Variants in PRPSAP2 observed in about 807,000 individuals in gnomAD.
The protein encoded by PRPSAP2 is phosphoribosyl pyrophosphate synthase-associated protein 2.
In PRPSAP2, 24 loss-of-function variants were observed where a neutral mutation model predicts 40.6. The ratio of observed to expected loss-of-function variants is 0.59; its 90% confidence interval spans 0.43 to 0.83. The LOEUF is 0.83. PRPSAP2 is among the 40% of genes least tolerant of loss of function. The probability of loss-of-function intolerance (pLI) is 0.00; values close to 1 mark genes in which losing one functional copy is unlikely to be tolerated. For synonymous variants in PRPSAP2, 149 were observed against 164.7 expected (o/e 0.90, Z 0.73); for missense variants, 292 against 465.6 (o/e 0.63, Z 3.43).
chr17:18,857,884 C>T (rs2083686527), upstream of PRPSAP2: 1 of 152,348 alleles, frequency 6.6e-6, no homozygotes, highest in Non-Finnish European at 1.5e-5. Flanking sequence ...CATACTCTGT[C>T]CACATTCATT....
intron 4 of PRPSAP2, among the ~76,000 whole-genome samples, chr17:18,869,743 A>G (rs975149217): frequency 6.6e-6 from 1 of 150,610 alleles, no homozygotes; most frequent in Admixed American, 6.6e-5. Context: ...TTTTCTTAAC[A>G]TCATACCACA....
chr17:18,902,948 G>C lies in PRPSAP2; in HGVS notation c.585-8155G>C, dbSNP rs999242712. 2.0e-5 allele frequency among the ~76,000 whole-genome samples: 3 copies of C among 151,198 alleles called. No individual in the cohort carries two copies. In the South Asian group the frequency reaches 6.3e-4, roughly 32 times the overall value. On this transcript the variant is annotated intron_variant, in intron 8 of 11. Coordinates refer to ENST00000268835, the MANE Select transcript of PRPSAP2 (RefSeq NM_002767.4). The stretch of plus-strand genomic sequence containing the variant: ...TTTACCGAGTACATATTTGAGTGCT[G>C]CTGTGCCAGCCATCGTGGATGTGGT...
chr17:18,863,864 A>G (rs1236824932), intron 1 of PRPSAP2, among the ~76,000 whole-genome samples: 4 of 80,930 alleles, frequency 4.9e-5, no homozygotes, highest in Admixed American at 4.5e-4. Flanking sequence ...AATTTTTTAG[A>G]TGGAGTTTTG....
intron 8 of PRPSAP2, among the ~76,000 whole-genome samples, chr17:18,892,855 C>T (rs1010541922): frequency 4.6e-5 from 7 of 151,810 alleles, no homozygotes; most frequent in Non-Finnish European, 1.0e-4. Flanking sequence ...CTGCCTCAGC[C>T]TCCTGAGTAG....
intron 5 of PRPSAP2, among the ~76,000 whole-genome samples, chr17:18,873,259 T>TCTCGGCTTACTGCAAC (rs2038029035): frequency 6.9e-6 from 1 of 145,622 alleles, no homozygotes; most frequent in Non-Finnish European, 1.5e-5. Flanking sequence ...AATGACGCGA[T>TCTCGGCTTACTGCAAC]CTCGGCTTAC....
At chr17:18,861,153 A>G (rs1597495533) in intron 1 of PRPSAP2, among the ~76,000 whole-genome samples, 1 of 152,282 alleles carries the variant, frequency 6.6e-6, no homozygotes. Context: ...AACAGGAGAA[A>G]GGAGAACTAA....
chr17:18,900,634 G>A (rs2040205334), intron 8 of PRPSAP2, among the ~76,000 whole-genome samples: 1 of 152,112 alleles, frequency 6.6e-6, no homozygotes, highest in Non-Finnish European at 1.5e-5. Context: ...TGGCTTCTCA[G>A]GACTCTGGCA....
chr17:18,921,848 A>T (rs897204495), intron 9 of PRPSAP2, among the ~76,000 whole-genome samples: 2 of 152,174 alleles, frequency 1.3e-5, no homozygotes, highest in Non-Finnish European at 2.9e-5. Flanking sequence ...CATAACATAG[A>T]ATTAACCATT....
At chr17:18,899,525 T>TG (rs2040135728) in intron 8 of PRPSAP2, among the ~76,000 whole-genome samples, 1 of 135,988 alleles carries the variant, frequency 7.4e-6, no homozygotes, top group African/African-American at 2.8e-5. Context: ...CTGAGTTTTT[T>TG]TTTTTTTTTT....
chr17:18,922,418 C>T (rs560289704), intron 9 of PRPSAP2, among the ~76,000 whole-genome samples: 1 of 152,142 alleles, frequency 6.6e-6, no homozygotes, highest in Non-Finnish European at 1.5e-5. Context: ...ACAAAGATTT[C>T]AGTTTCTCCA....
Position 18,865,676 on chromosome 17 carries a change from T to C in PRPSAP2, c.-33+112T>C, listed in dbSNP as rs1597514267. 8.6e-6 allele frequency: 4 copies of C among 464,902 alleles called. No individual in the cohort carries two copies. In the East Asian group the frequency reaches 1.9e-4, roughly 22 times the overall value. 28.8% of individuals were successfully genotyped at this position (464,902 alleles called of 1,614,324 possible). On this transcript the variant is annotated intron_variant, in intron 2 of 11. Coordinates refer to ENST00000268835, the MANE Select transcript of PRPSAP2 (RefSeq NM_002767.4). ...TTTCTGTTTGTCCATATATATCTAA[T>C]ATTTAAAAAATACTATTAGGATGGA...
intron 8 of PRPSAP2, among the ~76,000 whole-genome samples, chr17:18,901,402 C>T (rs1448254589): frequency 6.6e-6 from 1 of 151,892 alleles, no homozygotes; most frequent in African/African-American, 2.4e-5. Flanking sequence ...TTTTTTGAGA[C>T]GGAATCTCGC....
chr17:18,862,333 G>C (rs769803603), intron 1 of PRPSAP2, among the ~76,000 whole-genome samples: 6 of 152,150 alleles, frequency 3.9e-5, no homozygotes, highest in Non-Finnish European at 8.8e-5. Flanking sequence ...GGAGGGATGG[G>C]CTGAACTACC....
At chr17:18,903,949 G>A (rs917719260) in intron 8 of PRPSAP2, among the ~76,000 whole-genome samples, 2 of 152,062 alleles carry the variant, frequency 1.3e-5, no homozygotes, top group Non-Finnish European at 2.9e-5. Flanking sequence ...ATTATTTCTA[G>A]TTCCCTCCTC....
chr17:18,921,875 A>G (rs1049063713), intron 9 of PRPSAP2, among the ~76,000 whole-genome samples: 1 of 152,252 alleles, frequency 6.6e-6, no homozygotes, highest in Non-Finnish European at 1.5e-5. Context: ...TATAAAATTT[A>G]CTGGCTTTCA....
intron 9 of PRPSAP2, among the ~76,000 whole-genome samples, chr17:18,919,519 A>C (rs1435818123): frequency 6.6e-6 from 1 of 151,734 alleles, no homozygotes; most frequent in Non-Finnish European, 1.5e-5. Context: ...AAAAAAAAAA[A>C]ATTAGCCAGG....
intron 11 of PRPSAP2, chr17:18,929,750 G>A (rs912404105): frequency 2.6e-5 from 4 of 152,046 alleles, no homozygotes; most frequent in South Asian, 4.1e-4. Context: ...CTCTCTCTTC[G>A]TATTTCATGT....
intron 10 of PRPSAP2, among the ~76,000 whole-genome samples, chr17:18,926,777 A>AGT (rs71155377): frequency 0.31 from 46,559 of 148,128 alleles, 7,360 homozygotes; most frequent in South Asian, 0.41. Context: ...AGTGAGTGTG[A>AGT]GTGTGTGTGT....
At chr17:18,860,911 C>T (rs1368828537) in intron 1 of PRPSAP2, among the ~76,000 whole-genome samples, 7 of 152,076 alleles carry the variant, frequency 4.6e-5, no homozygotes, top group Non-Finnish European at 8.8e-5. Context: ...TCTCTGAAAA[C>T]GGTGTGTTTT....
Sources: allele counts gnomAD v4.1 joint callset (sites outside exome capture counted in the v4.1 genomes callset), GRCh38; gene constraint gnomAD v4.1.1; transcripts MANE v1.5; gene names NCBI Gene and HGNC (gene_info 2026-07-23, HGNC 2026-07-21).